The following HCN1 variants were observed in gnomAD, a reference collection of about 807,000 sequenced individuals.
HCN1 encodes the protein hyperpolarization activated cyclic nucleotide gated potassium channel 1.
HCN1 carries 13 observed loss-of-function variants against 78.9 expected under a neutral mutation model. The ratio of observed to expected loss-of-function variants is 0.16; its 90% CI spans 0.11 to 0.26. The LOEUF is 0.26. Ranked by LOEUF, HCN1 falls within the 10% of genes least tolerant of loss-of-function variation. The probability of loss-of-function intolerance (pLI) is 1.00; values close to 1 mark genes in which losing one functional copy is unlikely to be tolerated. For missense variants in HCN1, 810 were observed against 1,154.3 expected (o/e 0.70, Z 4.32); for synonymous variants, 552 against 455.5 (o/e 1.21, Z -2.70).
intron 2 of HCN1, among the ~76,000 whole-genome samples, chr5:45,609,467 C>T (rs912419492): frequency 6.6e-6 from 1 of 151,990 alleles, no homozygotes. Flanking sequence ...AAAATACTGT[C>T]GATATGGTTG....
At chr5:45,304,178 C>T (rs1227388623) in intron 5 of HCN1, among the ~76,000 whole-genome samples, 1 of 152,028 alleles carries the variant, frequency 6.6e-6, no homozygotes, top group African/African-American at 2.4e-5. Flanking sequence ...ACATTCTATT[C>T]TTCCTTTTAT....
At chr5:45,405,470 A>G (rs1739901812) in intron 3 of HCN1, among the ~76,000 whole-genome samples, 1 of 152,150 alleles carries the variant, frequency 6.6e-6, no homozygotes, top group African/African-American at 2.4e-5. Context: ...GTACATTGGC[A>G]CAACTATAGT....
At chr5:45,484,716 G>A (rs2111683742) in intron 2 of HCN1, among the ~76,000 whole-genome samples, 1 of 152,200 alleles carries the variant, frequency 6.6e-6, no homozygotes, top group Admixed American at 6.5e-5. Flanking sequence ...TGTTATCTTA[G>A]GTCTCTAACA....
intron 2 of HCN1, chr5:45,479,992 A>C (rs1227533720): frequency 6.6e-6 from 1 of 152,608 alleles, no homozygotes; most frequent in Non-Finnish European, 1.5e-5. Context: ...CTAATGACTT[A>C]CCATTTTCTC....
intron 3 of HCN1, among the ~76,000 whole-genome samples, chr5:45,452,479 A>G (rs940724625): frequency 2.6e-5 from 4 of 151,808 alleles, no homozygotes; most frequent in Non-Finnish European, 5.9e-5. Flanking sequence ...AAAACAGCAA[A>G]CACTTCTAAA....
Position 45,696,346 on chromosome 5 carries a change from A to G in HCN1, c.-253T>C. 6.4e-6 allele frequency: 1 copy of G among 155,376 alleles called. No individual in the cohort carries two copies. The highest frequency in any genetic ancestry group is 1.4e-5 in the Non-Finnish European group (1 of 70,346). 9.6% of individuals were successfully genotyped at this position (155,376 alleles called of 1,614,324 possible). On this transcript the variant is annotated 5_prime_UTR_variant, in exon 1 of 8. Transcript: ENST00000303230. Reference sequence around the variant, plus strand: ...TCCGGTGCGGCTGGTGCTGAAGCTGAGGCTGCCGGAGCTAGGCGAGGCTCA... The same window carrying G: ...TCCGGTGCGGCTGGTGCTGAAGCTGGGGCTGCCGGAGCTAGGCGAGGCTCA...
chr5:45,521,622 C>G (rs1251025327), intron 2 of HCN1, among the ~76,000 whole-genome samples: 1 of 151,880 alleles, frequency 6.6e-6, no homozygotes. Context: ...ATGCCAATGA[C>G]CTCATTTTAA....
chr5:45,396,134 CA>C (rs1405041372), intron 4 of HCN1, among the ~76,000 whole-genome samples: 2 of 152,110 alleles, frequency 1.3e-5, no homozygotes, highest in Non-Finnish European at 2.9e-5. Flanking sequence ...AATCAGCTAA[CA>C]TTTTTCTAAC....
At chr5:45,300,495 CT>C (rs1745590801) in intron 6 of HCN1, among the ~76,000 whole-genome samples, 1 of 152,000 alleles carries the variant, frequency 6.6e-6, no homozygotes, top group African/African-American at 2.4e-5. Context: ...AATATATTTT[CT>C]CTTCCTTATT....
intron 2 of HCN1, among the ~76,000 whole-genome samples, chr5:45,577,853 G>T (rs759985530): frequency 1.4e-4 from 22 of 151,954 alleles, no homozygotes; most frequent in Admixed American, 7.9e-4. Flanking sequence ...AAAAAATTAA[G>T]AAAATGATAT....
intron 1 of HCN1, among the ~76,000 whole-genome samples, chr5:45,657,369 A>AATTT (rs1233994383): frequency 6.6e-6 from 1 of 152,142 alleles, no homozygotes; most frequent in Non-Finnish European, 1.5e-5. Flanking sequence ...TTTCCTTCAT[A>AATTT]ATTTAGTGGT....
At position 45,419,443 on chromosome 5, in the gene HCN1, C is replaced by T. The variant is rs147707561; in HGVS notation, c.1012-22733G>A. Among the ~76,000 whole-genome samples, 47 of 152,248 alleles carry T rather than the reference C, an allele frequency of 3.1e-4. 1 individual carries two copies. In the East Asian group the frequency reaches 7.0e-3, roughly 23 times the overall value. On this transcript the variant is annotated intron_variant, in intron 3 of 7. Transcript: ENST00000303230. ...ACGCCAAGCAATCCAGAATCAGAAGCCCTCTAAGATATTTGAGTAAATAAG... is the reference window on the plus strand; with the variant it reads ...ACGCCAAGCAATCCAGAATCAGAAGTCCTCTAAGATATTTGAGTAAATAAG...
chr5:45,445,616 A>T (rs1040382264), intron 3 of HCN1, among the ~76,000 whole-genome samples: 1 of 152,214 alleles, frequency 6.6e-6, no homozygotes, highest in Non-Finnish European at 1.5e-5. Flanking sequence ...ACACCCGAGC[A>T]GCCTAACTGG....
chr5:45,529,753 C>T (rs981445580), intron 2 of HCN1, among the ~76,000 whole-genome samples: 4 of 152,148 alleles, frequency 2.6e-5, no homozygotes, highest in East Asian at 1.9e-4. Flanking sequence ...CTGTCAATCA[C>T]TTTTGATGTT....
chr5:45,492,780 G>A (rs1741916611), intron 2 of HCN1, among the ~76,000 whole-genome samples: 1 of 152,074 alleles, frequency 6.6e-6, no homozygotes, highest in Non-Finnish European at 1.5e-5. Flanking sequence ...GGGATCACAG[G>A]TGTGAGTGTT....
intron 5 of HCN1, among the ~76,000 whole-genome samples, chr5:45,334,847 A>C (rs920552098): frequency 1.3e-5 from 2 of 152,046 alleles, no homozygotes; most frequent in African/African-American, 4.8e-5. Flanking sequence ...ATAGCTTCAC[A>C]GTATGATTAT....
chr5:45,371,551 G>A (rs1423935530), intron 4 of HCN1, among the ~76,000 whole-genome samples: 2 of 151,646 alleles, frequency 1.3e-5, no homozygotes, highest in Non-Finnish European at 2.9e-5. Flanking sequence ...GAGGTCAGGA[G>A]TTTGAGACCA....
chr5:45,584,759 TA>T (rs1336531305), intron 2 of HCN1, among the ~76,000 whole-genome samples: 1 of 152,186 alleles, frequency 6.6e-6, no homozygotes, highest in African/African-American at 2.4e-5. Context: ...TGCTTGTCTG[TA>T]AAGGATTTTA....
At chr5:45,433,060 G>T (rs565708071) in intron 3 of HCN1, among the ~76,000 whole-genome samples, 2 of 152,026 alleles carry the variant, frequency 1.3e-5, no homozygotes, top group Non-Finnish European at 2.9e-5. Context: ...CCCCATGACC[G>T]CAATTACCTC....
Sources: gnomAD v4.1 joint callset for allele counts (sites outside exome capture counted in the v4.1 genomes callset) on GRCh38, gnomAD v4.1.1 for gene constraint, MANE v1.5 for transcripts, NCBI Gene and HGNC (gene_info 2026-07-23, HGNC 2026-07-21) for gene names.